Variants in THAP12 observed in about 807,000 individuals in gnomAD.
THAP12 encodes the protein THAP domain containing 12, also known as 52 kDa repressor of the inhibitor of the protein kinase.
Under a neutral mutation model 63.0 loss-of-function variants are expected in THAP12, and 20 were observed. The ratio of observed to expected loss-of-function variants is 0.32; its 90% confidence interval spans 0.22 to 0.46. The LOEUF (loss-of-function observed/expected upper bound fraction) is 0.46. Ranked by LOEUF, THAP12 falls within the 20% of genes least tolerant of loss-of-function variation. The pLI is 1.00. For missense variants in THAP12, 568 were observed against 908.2 expected, an observed-to-expected ratio of 0.63 and a Z score of 4.81; for synonymous variants, 264 against 328.4, an observed-to-expected ratio of 0.80 and a Z score of 2.12.
intron 1 of THAP12, among the ~76,000 whole-genome samples, chr11:76,374,502 A>G (rs1045411937): frequency 6.6e-6 from 1 of 152,150 alleles, no homozygotes; most frequent in Non-Finnish European, 1.5e-5. Flanking sequence ...CTAATTTTCA[A>G]CTTGAATGCT....
At chr11:76,378,536 C>T (rs1439374084) in intron 1 of THAP12, among the ~76,000 whole-genome samples, 1 of 151,680 alleles carries the variant, frequency 6.6e-6, no homozygotes, top group Non-Finnish European at 1.5e-5. Flanking sequence ...CCTTTGATCT[C>T]AATAAAAGTA....
intron 1 of THAP12, among the ~76,000 whole-genome samples, chr11:76,370,399 G>A (rs938453874): frequency 1.3e-5 from 2 of 151,898 alleles, no homozygotes; most frequent in African/African-American, 4.8e-5. Flanking sequence ...ATCTCACTCT[G>A]TTGCACAGGC....
rs554065135 is a variant in THAP12, at chr11:76,369,166, G to A, written c.90-3194C>T. Among the ~76,000 whole-genome samples, 54 of 152,274 alleles carry A rather than the reference G, an allele frequency of 3.5e-4. 1 individual carries two copies. On this transcript the variant is annotated intron_variant, in intron 1 of 4. Transcript: ENST00000260045. ...AATGCTCGATCTCATTTGCCATCAG[G>A]GAAATGCTAATTAAAGCCAAAACAA...
At position 76,355,599 on chromosome 11, in the gene THAP12, C is replaced by T. The variant is rs1165143281; in HGVS notation, c.355+19G>A. 6.3e-6 allele frequency: 10 copies of T among 1,590,688 alleles called. No homozygotes were observed. Among genetic ancestry groups the T allele is most frequent in the Non-Finnish European group, 8.5e-6 (10 of 1,169,638 alleles). On this transcript the variant is annotated intron_variant, in intron 4 of 4. Transcript: ENST00000260045. Reference sequence around the variant, plus strand: ...TTTAAAAGGCATTCAGAAGTTGAGTCATTAACACTATCACTTACTTTTTTT... The same window carrying T: ...TTTAAAAGGCATTCAGAAGTTGAGTTATTAACACTATCACTTACTTTTTTT...
rs1946513756 is a variant in THAP12 at position 76,349,972 on chromosome 11, ATTTT to A, written c.*888_*891del. 1 of 152,802 alleles carries A rather than the reference ATTTT, an allele frequency of 6.5e-6. No individual in the cohort carries two copies. The highest frequency in any genetic ancestry group is 6.5e-5 in the Admixed American group (1 of 15,282). The allele number at this position is 152,802 out of a possible 1,614,324, so 9.5% of individuals were successfully genotyped here. On this transcript the variant is annotated 3_prime_UTR_variant, in exon 5 of 5. Transcript: ENST00000260045. ...TGCCTAAGCTTTAAACAAAATTCACATTTTATTTAGATTGAAATAAACTATACAA... is the reference window on the plus strand; with the variant it reads ...TGCCTAAGCTTTAAACAAAATTCACAATTTAGATTGAAATAAACTATACAA...
intron 1 of THAP12, among the ~76,000 whole-genome samples, 180 bp from the exon 2 acceptor site, chr11:76,366,152 G>A (rs767608749): frequency 6.6e-6 from 1 of 152,098 alleles, no homozygotes; most frequent in Non-Finnish European, 1.5e-5. Flanking sequence ...AAGTCATTTA[G>A]TACCAACATT....
intron 1 of THAP12, among the ~76,000 whole-genome samples, chr11:76,374,491 T>G (rs947985291): frequency 4.6e-5 from 7 of 152,214 alleles, no homozygotes; most frequent in African/African-American, 1.7e-4. Context: ...TTTCCAAAAT[T>G]CTAATTTTCA....
intron 1 of THAP12, 37 bp downstream of exon 1, chr11:76,380,711 G>T: frequency 7.4e-7 from 1 of 1,351,302 alleles, no homozygotes; most frequent in South Asian, 1.7e-5. Context: ...CACCGCGAAG[G>T]TGGGCCCGGG....
Position 76,351,392 on chromosome 11 carries a change from A to C in THAP12, c.1758T>G (p.Ile586Met), listed in dbSNP as rs1188894377. The C allele has an allele frequency of 6.2e-7, 1 of 1,603,898 alleles. No individual in the cohort carries two copies. The highest frequency in any genetic ancestry group is 2.2e-5 in the East Asian group (1 of 44,672). ...AGAATATATCTTTAAGTTCCTGAAT[A>C]ATGTGCTCCACTGTTGGGACACTTA... is the stretch of plus-strand genomic sequence containing the variant. ...ETLSVPTVEHIIQELKDIFSE... is the reference protein window; with the variant it reads ...ETLSVPTVEHMIQELKDIFSE... Residue 586 changes from isoleucine to methionine, a missense_variant, in exon 5 of 5, where the codon ATT (isoleucine) becomes ATG (methionine). Ile to Met is a conservative substitution (Grantham distance 10). Coordinates refer to ENST00000260045, the MANE Select transcript of THAP12 (RefSeq NM_004705.4).
chr11:76,365,573 G>A (rs60578927), intron 2 of THAP12, among the ~76,000 whole-genome samples: 336 of 152,174 alleles, frequency 2.2e-3, no homozygotes, highest in African/African-American at 7.6e-3. Flanking sequence ...TTTCTGTAGC[G>A]ACGGCATCTG....
chr11:76,372,071 A>G (rs1946678588), intron 1 of THAP12, among the ~76,000 whole-genome samples: 1 of 152,034 alleles, frequency 6.6e-6, no homozygotes. Context: ...TCGGCCTCCC[A>G]AAGTGCTGGG....
At position 76,352,380 on chromosome 11, in the gene THAP12, G is replaced by A; in HGVS notation, c.770C>T (p.Ser257Leu). 1 of 1,611,992 alleles carries A rather than the reference G, an allele frequency of 6.2e-7. No individual in the cohort carries two copies. Among genetic ancestry groups the A allele is most frequent in the Non-Finnish European group, 8.5e-7 (1 of 1,179,836 alleles). ...GTCAGTGATAATGGAAAAGAAGTGTGAGTCTCTCACTTCCCTGAGAGTTTC... is the reference window on the plus strand; with the variant it reads ...GTCAGTGATAATGGAAAAGAAGTGTAAGTCTCTCACTTCCCTGAGAGTTTC... ...REETLREVRD[S>L]HFFSIITDDV... Residue 257 changes from serine (S) to leucine (L), a missense_variant, in exon 5 of 5, where the codon TCA (serine) becomes TTA (leucine). By Grantham distance (145) the Ser-to-Leu change is moderately radical (BLOSUM62 -2). Coordinates refer to ENST00000260045, the MANE Select transcript of THAP12 (RefSeq NM_004705.4).
chr11:76,378,841 T>C lies in THAP12; in HGVS notation c.89+1907A>G, dbSNP rs1225394252. 2.0e-5 allele frequency among the ~76,000 whole-genome samples: 3 copies of C among 151,654 alleles called. No individual in the cohort carries two copies. In the East Asian group the frequency reaches 5.9e-4, roughly 30 times the overall value. ...CCAGGCTGGTCTCGAACTCCTGACC[T>C]CAAGTGATCCGCCTGCTTAGGCCTC... On this transcript the variant is annotated intron_variant, in intron 1 of 4. Coordinates refer to ENST00000260045, the MANE Select transcript of THAP12 (RefSeq NM_004705.4).
At chr11:76,363,955 A>G (rs1331300082) in intron 2 of THAP12, among the ~76,000 whole-genome samples, 1 of 152,126 alleles carries the variant, frequency 6.6e-6, no homozygotes, top group Non-Finnish European at 1.5e-5. Context: ...TAGAAAGAAC[A>G]TTTTCTCACA....
chr11:76,357,911 GAA>G (rs1217530990), intron 3 of THAP12: 5 of 151,850 alleles, frequency 3.3e-5, no homozygotes, highest in Non-Finnish European at 7.4e-5. Context: ...CAAGAAGCTA[GAA>G]AAAGAGTCAA....
intron 1 of THAP12, among the ~76,000 whole-genome samples, chr11:76,375,346 G>C (rs998377209): frequency 1.3e-5 from 2 of 150,952 alleles, no homozygotes; most frequent in Non-Finnish European, 1.5e-5. Context: ...ACAGTGGCAA[G>C]CCTTGGCATT....
Position 76,361,066 on chromosome 11 carries a change from G to GA in THAP12, c.211-4dup. On this transcript the variant is annotated splice_region_variant and splice_polypyrimidine_tract_variant and intron_variant, in intron 2 of 4. Transcript: ENST00000260045. ...CGAAGAACTGTCCTATAAGGACTCTGAAAAAGAAAATTGTGTTAATTCAGA... is the reference window on the plus strand; with the variant it reads ...CGAAGAACTGTCCTATAAGGACTCTGAAAAAAGAAAATTGTGTTAATTCAGA... 1 of 1,554,464 alleles carries GA rather than the reference G, an allele frequency of 6.4e-7. No homozygotes were observed. The highest frequency in any genetic ancestry group is 8.8e-7 in the Non-Finnish European group (1 of 1,130,738).
At chr11:76,364,669 G>C (rs141994564) in intron 2 of THAP12, among the ~76,000 whole-genome samples, 5 of 152,218 alleles carry the variant, frequency 3.3e-5, no homozygotes, top group African/African-American at 1.2e-4. Flanking sequence ...TAGGAACTGG[G>C]GCCCAAAGAG....
chr11:76,377,335 C>T (rs990373957), intron 1 of THAP12, among the ~76,000 whole-genome samples: 1 of 152,140 alleles, frequency 6.6e-6, no homozygotes, highest in Non-Finnish European at 1.5e-5. Context: ...CAACCATCAC[C>T]ACTACCTAAT....
Sources: allele counts gnomAD v4.1 joint callset (sites outside exome capture counted in the v4.1 genomes callset), GRCh38; gene constraint gnomAD v4.1.1; transcripts MANE v1.5; gene names NCBI Gene and HGNC (gene_info 2026-07-23, HGNC 2026-07-21).